ANKRD45: variants seen among roughly 807,000 people sequenced by gnomAD.
ANKRD45 encodes ankyrin repeat domain 45, also known as ankyrin repeat domain-containing protein 45.
ANKRD45 carries 21 observed loss-of-function variants against 28.1 expected under a neutral mutation model. The observed-to-expected ratio is 0.75, with a 90% CI of 0.53 to 1.08. The LOEUF is 1.08. Among genes scored for constraint, ANKRD45 ranks in the 50% least tolerant of loss-of-function variants. The probability of loss-of-function intolerance (pLI) is 0.00; values close to 1 mark genes in which losing one functional copy is unlikely to be tolerated. For missense variants in ANKRD45, 261 were observed against 308.7 expected (o/e 0.85, Z 1.16); for synonymous variants, 86 against 103.9 (o/e 0.83, Z 1.05).
At chr1:173,712,287 T>C in the ANKRD45 span, among the ~76,000 whole-genome samples, 1 of 152,164 alleles carries the variant, frequency 6.6e-6, no homozygotes, top group Non-Finnish European at 1.5e-5. Flanking sequence ...CTCAAACACT[T>C]GTAATGGAGA....
chr1:173,708,577 T>C, the ANKRD45 span, among the ~76,000 whole-genome samples: 1 of 152,242 alleles, frequency 6.6e-6, no homozygotes, highest in Admixed American at 6.5e-5. Flanking sequence ...GGTATTTTGC[T>C]ACAGAAGCAC....
intron 5 of ANKRD45, among the ~76,000 whole-genome samples, chr1:173,620,308 C>A (rs529647829): frequency 6.6e-6 from 1 of 152,188 alleles, no homozygotes; most frequent in Non-Finnish European, 1.5e-5. Context: ...TCACTCAAAA[C>A]CACACAACTG....
At chr1:173,680,334 A>G in the ANKRD45 span, among the ~76,000 whole-genome samples, 31 of 152,326 alleles carry the variant, frequency 2.0e-4, no homozygotes, top group Middle Eastern at 3.4e-3. Flanking sequence ...TGTGGCTCAC[A>G]TACACCATGG....
At chr1:173,621,827 A>G (rs950943336) in intron 5 of ANKRD45, among the ~76,000 whole-genome samples, 2 of 152,152 alleles carry the variant, frequency 1.3e-5, no homozygotes, top group Non-Finnish European at 2.9e-5. Context: ...CAAGATAAAC[A>G]AATAAACAGT....
chr1:173,676,327 A>T, the ANKRD45 span, among the ~76,000 whole-genome samples: 1 of 152,228 alleles, frequency 6.6e-6, no homozygotes, highest in African/African-American at 2.4e-5. Flanking sequence ...ATATGCTCCA[A>T]CTTTTGTTCA....
chr1:173,638,330 C>T (rs1668548106), intron 3 of ANKRD45, among the ~76,000 whole-genome samples: 2 of 151,902 alleles, frequency 1.3e-5, no homozygotes, highest in Admixed American at 6.6e-5. Context: ...TGAGCCTTGC[C>T]GGGAAAAGAA....
At chr1:173,619,021 C>A (rs188304996) in intron 5 of ANKRD45, among the ~76,000 whole-genome samples, 1 of 152,330 alleles carries the variant, frequency 6.6e-6, no homozygotes, top group African/African-American at 2.4e-5. Context: ...CCCAGAATTT[C>A]ATATCCAGCC....
intron 5 of ANKRD45, among the ~76,000 whole-genome samples, chr1:173,618,642 A>C (rs1256937461): frequency 4.6e-5 from 7 of 152,224 alleles, no homozygotes; most frequent in African/African-American, 2.4e-5. Flanking sequence ...ACTACGTAAA[A>C]AGACCAAACC....
chr1:173,674,869 A>G, the ANKRD45 span, among the ~76,000 whole-genome samples: 2 of 152,098 alleles, frequency 1.3e-5, no homozygotes, highest in Non-Finnish European at 2.9e-5. Context: ...CTTTTTAAAA[A>G]TTTTTTGGAG....
intron 3 of ANKRD45, among the ~76,000 whole-genome samples, chr1:173,632,501 T>G (rs1220914812): frequency 6.7e-6 from 1 of 148,940 alleles, no homozygotes. Flanking sequence ...ATTATTACCC[T>G]GATATGAAAA....
intron 2 of ANKRD45, 165 bp downstream of exon 2, chr1:173,658,926 A>G (rs1179382039): frequency 9.7e-7 from 1 of 1,031,504 alleles, no homozygotes; most frequent in Non-Finnish European, 1.3e-6. Flanking sequence ...TAATATCAAC[A>G]TTGATACATT....
intron 3 of ANKRD45, among the ~76,000 whole-genome samples, chr1:173,638,721 G>T (rs1283501387): frequency 6.6e-6 from 1 of 152,206 alleles, no homozygotes; most frequent in South Asian, 2.1e-4. Flanking sequence ...AAATCAAAAA[G>T]CAGGAAGGTG....
chr1:173,627,777 A>C (rs889176439), intron 3 of ANKRD45, among the ~76,000 whole-genome samples: 2 of 152,034 alleles, frequency 1.3e-5, no homozygotes, highest in Admixed American at 6.6e-5. Context: ...CACATCACCT[A>C]GTGAGACACC....
intron 2 of ANKRD45, among the ~76,000 whole-genome samples, chr1:173,655,036 T>C (rs1378454477): frequency 6.6e-6 from 1 of 152,216 alleles, no homozygotes; most frequent in African/African-American, 2.4e-5. Flanking sequence ...TTGCGATGGG[T>C]TCAAACATCC....
chr1:173,703,296 C>T, the ANKRD45 span, among the ~76,000 whole-genome samples: 3 of 151,594 alleles, frequency 2.0e-5, no homozygotes, highest in East Asian at 1.9e-4. Context: ...CTCCACCTCC[C>T]GGGTTCACAC....
intron 2 of ANKRD45, among the ~76,000 whole-genome samples, chr1:173,647,953 T>C (rs1487760972): frequency 6.6e-6 from 1 of 152,092 alleles, no homozygotes; most frequent in African/African-American, 2.4e-5. Context: ...CCAGATATTT[T>C]TTTTTTTTTA....
intron 1 of ANKRD45, among the ~76,000 whole-genome samples, chr1:173,667,463 G>T (rs1249195830): frequency 6.6e-6 from 1 of 152,266 alleles, no homozygotes. Flanking sequence ...CAGCATACTG[G>T]GAGGCTGAGG....
chr1:173,684,612 C>G, the ANKRD45 span, among the ~76,000 whole-genome samples: 1 of 152,174 alleles, frequency 6.6e-6, no homozygotes, highest in Non-Finnish European at 1.5e-5. Context: ...TGATCATTTA[C>G]CCCTGAGTTG....
At chr1:173,669,774 A>C (rs1670185914) in intron 1 of ANKRD45, 43 bp downstream of exon 1, 1 of 224,218 alleles carries the variant, frequency 4.5e-6, no homozygotes, top group African/African-American at 2.3e-5. Flanking sequence ...ACTCCTCCCC[A>C]AGTGCCCACC....
Sources: allele counts gnomAD v4.1 joint callset (sites outside exome capture counted in the v4.1 genomes callset), GRCh38; gene constraint gnomAD v4.1.1; transcripts MANE v1.5; gene names NCBI Gene and HGNC (gene_info 2026-07-23, HGNC 2026-07-21).